The following CSMD1 variants were observed in gnomAD, a reference collection of about 807,000 sequenced individuals.
CSMD1 encodes CUB and sushi domain-containing protein 1.
A neutral mutation model predicts 417.5 loss-of-function variants in CSMD1; 213 were observed. That is an observed-to-expected ratio of 0.51 (90% CI 0.46 to 0.57). CSMD1 has a LOEUF of 0.57. CSMD1 is among the 20% of genes least tolerant of loss of function. The pLI, the probability that CSMD1 is intolerant of heterozygous loss-of-function variation, is 0.00. For missense variants in CSMD1, 6,923 were observed against 4,529.7 expected, an observed-to-expected ratio of 1.53 and a Z score of -15.17; for synonymous variants, 2,862 against 1,736.8, an observed-to-expected ratio of 1.65 and a Z score of -16.11.
At chr8:4,283,943 A>T (rs769226919) in intron 3 of CSMD1, among the ~76,000 whole-genome samples, 2 of 152,186 alleles carry the variant, frequency 1.3e-5, no homozygotes, top group Admixed American at 6.5e-5. Context: ...ATTATTAACA[A>T]TAAGTTTGGC....
chr8:4,306,775 G>C (rs568215819), intron 3 of CSMD1, among the ~76,000 whole-genome samples: 5 of 152,188 alleles, frequency 3.3e-5, no homozygotes, highest in Admixed American at 3.3e-4. Context: ...CGAGTCCACA[G>C]ATCAGCCCTT....
intron 6 of CSMD1, among the ~76,000 whole-genome samples, chr8:3,734,829 C>T (rs73187248): frequency 0.035 from 5,370 of 152,312 alleles, 127 homozygotes; most frequent in African/African-American, 0.05. Context: ...TACCTTCCTT[C>T]TGGTTGCTCC....
At chr8:4,261,560 A>G (rs1040862949) in intron 3 of CSMD1, among the ~76,000 whole-genome samples, 1 of 151,854 alleles carries the variant, frequency 6.6e-6, no homozygotes, top group Non-Finnish European at 1.5e-5. Flanking sequence ...AGATCTTTTT[A>G]TTTATTTTAT....
chr8:4,805,158 CT>C (rs1241119902), intron 1 of CSMD1, among the ~76,000 whole-genome samples: 2 of 152,132 alleles, frequency 1.3e-5, no homozygotes, highest in African/African-American at 4.8e-5. Context: ...TTTTTTCCCC[CT>C]GGATGTCAGT....
At chr8:3,499,869 G>C (rs986012697) in intron 10 of CSMD1, among the ~76,000 whole-genome samples, 2 of 152,100 alleles carry the variant, frequency 1.3e-5, no homozygotes, top group African/African-American at 4.8e-5. Flanking sequence ...TCCTGAAAAT[G>C]GCACCATGCT....
chr8:3,045,581 C>T (rs1344510633), intron 50 of CSMD1, among the ~76,000 whole-genome samples: 1 of 152,126 alleles, frequency 6.6e-6, no homozygotes, highest in Non-Finnish European at 1.5e-5. Context: ...CCTATGGTGA[C>T]CCCATCACCT....
At chr8:4,219,619 A>G (rs564237677) in intron 3 of CSMD1, among the ~76,000 whole-genome samples, 57 of 152,272 alleles carry the variant, frequency 3.7e-4, no homozygotes, top group Non-Finnish European at 7.6e-4. Flanking sequence ...AAAAAACACT[A>G]TATCACTTTA....
chr8:3,733,359 A>G (rs371241942), intron 6 of CSMD1, among the ~76,000 whole-genome samples: 76 of 147,840 alleles, frequency 5.1e-4, no homozygotes, highest in Admixed American at 9.5e-4. Flanking sequence ...TTATATATAT[A>G]ATATATATAT....
chr8:2,974,042 AGAGGATGGTGGTAGAGGATGG>A, intron 56 of CSMD1, among the ~76,000 whole-genome samples: 1 of 147,896 alleles, frequency 6.8e-6, no homozygotes, highest in African/African-American at 2.6e-5. Flanking sequence ...GGATGGTGGT[AGAGGATGGTGGTAGAGGATGG>A]TGGTAGAGGA....
intron 3 of CSMD1, among the ~76,000 whole-genome samples, chr8:4,038,897 G>C (rs1448778088): frequency 6.6e-6 from 1 of 152,116 alleles, no homozygotes; most frequent in East Asian, 1.9e-4. Context: ...ATATGCACAC[G>C]AAAATTCCCT....
Position 3,720,702 on chromosome 8 carries a change from T to C in CSMD1, c.932-12211A>G, listed in dbSNP as rs537256488. Among the ~76,000 whole-genome samples the C allele has an allele frequency of 1.3e-4, 20 of 151,828 alleles. No individual in the cohort carries two copies. The South Asian group carries it at 3.7e-3, about 28-fold the overall frequency. ...ACCCATGGGAAGCTTAAATGATACC[T>C]AGTTCCAGGCATGTACTCTAAGCCC... On this transcript the variant is annotated intron_variant, in intron 6 of 69. Coordinates refer to ENST00000635120, the MANE Select transcript of CSMD1 (RefSeq NM_033225.6).
At chr8:4,886,908 T>A (rs184672655) in intron 1 of CSMD1, among the ~76,000 whole-genome samples, 1 of 152,054 alleles carries the variant, frequency 6.6e-6, no homozygotes, top group Non-Finnish European at 1.5e-5. Flanking sequence ...TTAAAAATAT[T>A]TAGTCGATGT....
At chr8:4,070,700 TCAC>T (rs2130777823) in intron 3 of CSMD1, among the ~76,000 whole-genome samples, 3 of 152,242 alleles carry the variant, frequency 2.0e-5, no homozygotes, top group African/African-American at 7.2e-5. Context: ...ATCCAAGTTT[TCAC>T]CACAGGTTGT....
intron 3 of CSMD1, among the ~76,000 whole-genome samples, chr8:4,090,636 C>T (rs1351272769): frequency 1.3e-5 from 2 of 152,088 alleles, no homozygotes; most frequent in Non-Finnish European, 2.9e-5. Flanking sequence ...AAAGAACGTC[C>T]CTGAACTTAA....
At chr8:3,180,056 A>G (rs903686814) in intron 37 of CSMD1, among the ~76,000 whole-genome samples, 8 of 152,220 alleles carry the variant, frequency 5.3e-5, no homozygotes, top group African/African-American at 1.9e-4. Context: ...ATTAAAGCTT[A>G]TCCATGTATT....
At chr8:4,439,517 T>C (rs1321138984) in intron 2 of CSMD1, among the ~76,000 whole-genome samples, 1 of 150,970 alleles carries the variant, frequency 6.6e-6, no homozygotes, top group African/African-American at 2.4e-5. Flanking sequence ...TATATACATA[T>C]ATGCATACAT....
chr8:3,322,190 T>C (rs2117484268), intron 23 of CSMD1, among the ~76,000 whole-genome samples: 1 of 152,338 alleles, frequency 6.6e-6, no homozygotes, highest in Admixed American at 6.5e-5. Flanking sequence ...TTCAATACAT[T>C]TCATGGCCAG....
chr8:3,678,496 A>G (rs1585062137), intron 7 of CSMD1, among the ~76,000 whole-genome samples: 1 of 152,286 alleles, frequency 6.6e-6, no homozygotes, highest in African/African-American at 2.4e-5. Flanking sequence ...AAAAAGGAAT[A>G]AAAAGAAATG....
chr8:4,051,383 G>T (rs1273843137), intron 3 of CSMD1, among the ~76,000 whole-genome samples: 1 of 152,040 alleles, frequency 6.6e-6, no homozygotes, highest in Non-Finnish European at 1.5e-5. Context: ...ATCCCGGAGG[G>T]CTGATCCAAC....
Sources: allele counts gnomAD v4.1 joint callset (sites outside exome capture counted in the v4.1 genomes callset), GRCh38; gene constraint gnomAD v4.1.1; transcripts MANE v1.5; gene names NCBI Gene and HGNC (gene_info 2026-07-23, HGNC 2026-07-21).